NFIA: variants seen among roughly 807,000 people sequenced by gnomAD.
The protein encoded by NFIA is nuclear factor I A, also known as nuclear factor 1 A-type.
A neutral mutation model predicts 62.8 loss-of-function variants in NFIA; 8 were observed. That is an observed-to-expected ratio of 0.13 (90% CI 0.07 to 0.23). NFIA has a LOEUF of 0.23. Among genes scored for constraint, NFIA ranks in the 10% least tolerant of loss-of-function variants. The pLI, the probability that NFIA is intolerant of heterozygous loss-of-function variation, is 1.00. For missense variants in NFIA, 410 were observed against 642.1 expected (o/e 0.64, Z 3.91); for synonymous variants, 235 against 238.1 (o/e 0.99, Z 0.12).
chr1:61,414,466 AGC>A (rs1404775084), intron 9 of NFIA, among the ~76,000 whole-genome samples: 2 of 152,028 alleles, frequency 1.3e-5, no homozygotes, highest in Non-Finnish European at 2.9e-5. Flanking sequence ...TTCAACCTAG[AGC>A]TCATAGGCTT....
At chr1:61,251,772 A>G (rs533151022) in intron 2 of NFIA, among the ~76,000 whole-genome samples, 1 of 152,318 alleles carries the variant, frequency 6.6e-6, no homozygotes, top group East Asian at 1.9e-4. Flanking sequence ...AAACTGCTTC[A>G]GCAATCATGT....
chr1:61,083,504 C>A (rs1646158472), intron 1 of NFIA, among the ~76,000 whole-genome samples: 2 of 152,054 alleles, frequency 1.3e-5, no homozygotes, highest in Admixed American at 1.3e-4. Context: ...CGCGGGCAGG[C>A]TGCGGCTAGC....
At chr1:61,399,833 C>T (rs1161814424) in intron 7 of NFIA, among the ~76,000 whole-genome samples, 2 of 152,164 alleles carry the variant, frequency 1.3e-5, no homozygotes, top group Non-Finnish European at 2.9e-5. Flanking sequence ...AGACCTCCTC[C>T]CCATAGTGGA....
chr1:61,082,697 T>TC lies in NFIA; in HGVS notation c.-95_-94insC. On this transcript the variant is annotated 5_prime_UTR_variant, in exon 1 of 11. Coordinates refer to ENST00000403491, the MANE Select transcript of NFIA (RefSeq NM_001134673.4). ...TTCTCTCTCTCTCTCTCTCTCTCTC[T>TC]TCCTCTCTCCCTCTTTCTCCTCTCT... 1.3e-6 allele frequency: 2 copies of TC among 1,533,242 alleles called. No individual in the cohort carries two copies. The highest frequency in any genetic ancestry group is 2.0e-5 in the Admixed American group (1 of 49,796). The allele number at this position is 1,533,242 out of a possible 1,614,324, so 95.0% of individuals were successfully genotyped here.
intron 2 of NFIA, among the ~76,000 whole-genome samples, chr1:61,249,566 C>T (rs1198296283): frequency 6.6e-6 from 1 of 152,054 alleles, no homozygotes; most frequent in Non-Finnish European, 1.5e-5. Flanking sequence ...TTTCGGAGGC[C>T]GAGGCGGGTA....
chr1:61,290,013 C>T (rs1047477425), intron 3 of NFIA, among the ~76,000 whole-genome samples: 62 of 140,684 alleles, frequency 4.4e-4, no homozygotes, highest in Middle Eastern at 3.7e-3. Flanking sequence ...TTTTAAGTTT[C>T]TTTTTTTTTT....
chr1:61,378,004 TAAGA>T (rs1244793919), intron 6 of NFIA, among the ~76,000 whole-genome samples: 2 of 152,186 alleles, frequency 1.3e-5, no homozygotes, highest in African/African-American at 2.4e-5. Flanking sequence ...ATCTCCCCTT[TAAGA>T]AGATACCTAA....
chr1:61,333,499 A>C (rs1661419624), intron 4 of NFIA, among the ~76,000 whole-genome samples: 1 of 152,114 alleles, frequency 6.6e-6, no homozygotes, highest in Non-Finnish European at 1.5e-5. Context: ...AGGCTAGGAG[A>C]GTCTTGAGAG....
chr1:61,409,301 C>T (rs1665990816), intron 9 of NFIA, among the ~76,000 whole-genome samples: 2 of 152,214 alleles, frequency 1.3e-5, no homozygotes, highest in Admixed American at 6.5e-5. Flanking sequence ...TTTTTATCAT[C>T]ATTCATTTTA....
intron 3 of NFIA, among the ~76,000 whole-genome samples, chr1:61,305,384 C>T (rs1659712432): frequency 6.6e-6 from 1 of 152,206 alleles, no homozygotes; most frequent in South Asian, 2.1e-4. Context: ...CTCCGTTAAA[C>T]ACAAGACGGC....
chr1:61,243,349 C>G (rs34351432), intron 2 of NFIA, among the ~76,000 whole-genome samples: 18,666 of 152,126 alleles, frequency 0.12, 1,499 homozygotes, highest in African/African-American at 0.22. Flanking sequence ...TTACATGTTA[C>G]AAATGTAAAA....
chr1:61,082,451 C>T, upstream of NFIA: 1 of 1,042,018 alleles, frequency 9.6e-7, no homozygotes, highest in Non-Finnish European at 1.2e-6. Context: ...GGCGCGCGGG[C>T]AGCTCGCGGG....
At chr1:61,176,196 G>A (rs1250557045) in intron 2 of NFIA, among the ~76,000 whole-genome samples, 1 of 152,216 alleles carries the variant, frequency 6.6e-6, no homozygotes, top group Non-Finnish European at 1.5e-5. Flanking sequence ...GTCACCTCTA[G>A]TGGAAGGCTT....
At chr1:61,332,418 A>G (rs1661345637) in intron 3 of NFIA, 94 bp from the exon 4 acceptor site, 5 of 1,159,246 alleles carry the variant, frequency 4.3e-6, no homozygotes, top group Admixed American at 1.7e-5. Context: ...TAGGCACCAC[A>G]TGTGTTAATC....
chr1:61,077,386 G>A (rs778101454), upstream of NFIA: 20 of 389,084 alleles, frequency 5.1e-5, no homozygotes, highest in Admixed American at 1.3e-4. Flanking sequence ...GAGCGAGAGC[G>A]AGACAGTGAG....
At chr1:61,352,405 T>C (rs755987988) in intron 4 of NFIA, 45 bp from the exon 5 acceptor site, 12 of 1,368,998 alleles carry the variant, frequency 8.8e-6, no homozygotes, top group South Asian at 7.1e-5. Flanking sequence ...TTGATTTTTT[T>C]ATCCACAGAA....
Position 61,404,099 on chromosome 1 carries a change from T to G in NFIA, c.1076-5T>G, listed in dbSNP as rs1665699858. ...TCATAACCCTGATGTTTTCTTTTCCTGCAGCAAGTCCGCATGCAACACCAT... is the reference window on the plus strand; with the variant it reads ...TCATAACCCTGATGTTTTCTTTTCCGGCAGCAAGTCCGCATGCAACACCAT... On this transcript the variant is annotated splice_polypyrimidine_tract_variant and splice_region_variant and intron_variant, in intron 7 of 10. Coordinates refer to ENST00000403491, the MANE Select transcript of NFIA (RefSeq NM_001134673.4). 2 of 1,613,788 alleles carry G rather than the reference T, an allele frequency of 1.2e-6. No homozygotes were observed. The highest frequency in any genetic ancestry group is 4.5e-5 in the East Asian group (2 of 44,876).
chr1:61,112,472 T>C (rs1646712427), intron 2 of NFIA, among the ~76,000 whole-genome samples: 1 of 152,182 alleles, frequency 6.6e-6, no homozygotes, highest in African/African-American at 2.4e-5. Context: ...CATAAGAGTT[T>C]TAAGCTGCTC....
chr1:61,409,362 A>G (rs1220815099), intron 9 of NFIA, among the ~76,000 whole-genome samples: 1 of 152,160 alleles, frequency 6.6e-6, no homozygotes, highest in Non-Finnish European at 1.5e-5. Context: ...TCATAGTAAT[A>G]TGTAGTTTCA....
Sources: allele counts gnomAD v4.1 joint callset (sites outside exome capture counted in the v4.1 genomes callset), GRCh38; gene constraint gnomAD v4.1.1; transcripts MANE v1.5; gene names NCBI Gene and HGNC (gene_info 2026-07-23, HGNC 2026-07-21).